CBL: variants seen among roughly 807,000 people sequenced by gnomAD.
CBL encodes E3 ubiquitin-protein ligase CBL.
Under a neutral mutation model 96.9 loss-of-function variants are expected in CBL, and 45 were observed. The ratio of observed to expected loss-of-function variants is 0.46; its 90% confidence interval spans 0.37 to 0.60. The LOEUF (loss-of-function observed/expected upper bound fraction) is 0.60. Among genes scored for constraint, CBL ranks in the 20% least tolerant of loss-of-function variants. The pLI is 0.00. For missense variants in CBL, 1,024 were observed against 1,143.5 expected (o/e 0.90, Z 1.51); for synonymous variants, 420 against 426.8 (o/e 0.98, Z 0.20).
At chr11:119,228,142 G>A (rs1482904156) in intron 1 of CBL, among the ~76,000 whole-genome samples, 1 of 150,830 alleles carries the variant, frequency 6.6e-6, no homozygotes, top group Non-Finnish European at 1.5e-5. Flanking sequence ...TTGAGATAGA[G>A]TCTCATTCCG....
chr11:119,267,087 A>G (rs917183047), intron 2 of CBL, among the ~76,000 whole-genome samples: 2 of 152,228 alleles, frequency 1.3e-5, no homozygotes, highest in Admixed American at 1.3e-4. Flanking sequence ...GTAGACACTG[A>G]ACCATAAGCT....
intron 12 of CBL, among the ~76,000 whole-genome samples, chr11:119,290,854 T>G (rs546785675): frequency 7.9e-5 from 12 of 151,690 alleles, no homozygotes; most frequent in African/African-American, 2.4e-4. Context: ...TTTTTTTATT[T>G]TTTAGTAGTA....
At chr11:119,291,397 T>C (rs1045123224) in intron 12 of CBL, among the ~76,000 whole-genome samples, 1 of 152,088 alleles carries the variant, frequency 6.6e-6, no homozygotes, top group African/African-American at 2.4e-5. Flanking sequence ...AAAAATAAAA[T>C]TGAAAAATAA....
rs771831548 is a variant in CBL at position 119,299,597 on chromosome 11, C to T, written c.2537C>T (p.Pro846Leu). The T allele has an allele frequency of 5.0e-6, 8 of 1,614,188 alleles. 1 individual carries two copies. The highest frequency in any genetic ancestry group is 4.0e-5 in the African/African-American group (3 of 75,034). Residue 846 changes from proline (P) to leucine (L), a missense_variant, in exon 16 of 16, where the codon CCT becomes CTT. Around this residue, in one of 4 missense-constraint regions of CBL, gnomAD observed 695 missense variants for 661.6 expected, o/e 1.05. Coordinates refer to ENST00000264033, the MANE Select transcript of CBL (RefSeq NM_005188.4). ...KAGSCQQGSG[P>L]AASAATASPQ... ...GGCAGCTGTCAGCAAGGTAGTGGTC[C>T]TGCCGCCTCTGCTGCCACCGCCTCA...
chr11:119,206,851 G>T (rs1420792027), intron 1 of CBL, among the ~76,000 whole-genome samples: 1 of 152,010 alleles, frequency 6.6e-6, no homozygotes. Flanking sequence ...CGCGTTTGGG[G>T]TAGCCAGACA....
At chr11:119,260,081 T>C (rs1949742958) in intron 2 of CBL, among the ~76,000 whole-genome samples, 1 of 152,178 alleles carries the variant, frequency 6.6e-6, no homozygotes, top group African/African-American at 2.4e-5. Context: ...GTTAGTATCT[T>C]CCCACACTCA....
intron 12 of CBL, among the ~76,000 whole-genome samples, chr11:119,295,506 G>A (rs1003330899): frequency 6.6e-6 from 1 of 151,898 alleles, no homozygotes; most frequent in Admixed American, 6.6e-5. Context: ...AGGATCACTT[G>A]AACCCAAGAG....
chr11:119,256,684 TTG>T (rs1020774580), intron 2 of CBL, among the ~76,000 whole-genome samples: 12 of 143,200 alleles, frequency 8.4e-5, no homozygotes, highest in Non-Finnish European at 1.6e-4. Context: ...AGTATGTAGT[TTG>T]TTTTTTTTTT....
At chr11:119,236,006 C>T (rs1949543023) in intron 2 of CBL, among the ~76,000 whole-genome samples, 2 of 151,922 alleles carry the variant, frequency 1.3e-5, no homozygotes, top group Admixed American at 6.6e-5. Context: ...TGCGAATGAT[C>T]TTTGTGGTCT....
chr11:119,283,471 CTT>C (rs1565873630), intron 9 of CBL, among the ~76,000 whole-genome samples: 1 of 151,708 alleles, frequency 6.6e-6, no homozygotes, highest in Non-Finnish European at 1.5e-5. Context: ...CTGTGTATCT[CTT>C]GACAGCTTAC....
intron 2 of CBL, among the ~76,000 whole-genome samples, chr11:119,247,008 G>A (rs1358940840): frequency 6.6e-6 from 1 of 152,122 alleles, no homozygotes; most frequent in African/African-American, 2.4e-5. Context: ...GTTGCTGATG[G>A]TTGTGGATAG....
At position 119,206,621 on chromosome 11, in the gene CBL, C is replaced by T. The variant is rs2135244281; in HGVS notation, c.195+9C>T. On this transcript the variant is annotated intron_variant, in intron 1 of 15. Coordinates refer to ENST00000264033, the MANE Select transcript of CBL (RefSeq NM_005188.4). ...GGAAGCTCATGGACAAGGTGAAAGG[C>T]CGGCTGAGCGCCCGCTGTTGCAGGG... 6.5e-7 allele frequency: 1 copy of T among 1,546,248 alleles called. No homozygotes were observed. Among genetic ancestry groups the T allele is most frequent in the African/African-American group, 1.4e-5 (1 of 72,586 alleles).
chr11:119,284,158 G>A (rs187598029), intron 9 of CBL, among the ~76,000 whole-genome samples: 2 of 151,746 alleles, frequency 1.3e-5, no homozygotes, highest in Admixed American at 1.3e-4. Flanking sequence ...CCACTGTACC[G>A]ACTCTCATCT....
In CBL at chr11:119,218,889, G is replaced by C. The variant is rs1343428416; in HGVS notation, c.195+12277G>C. Among the ~76,000 whole-genome samples the C allele has an allele frequency of 5.3e-5, 8 of 152,184 alleles. No homozygotes were observed. The South Asian group carries it at 8.3e-4, about 16-fold the overall frequency. ...AAAACTCATATTCCGAGGTTACTAAGATGTACAGTAAGAATGAATCTTCTA... is the reference window on the plus strand; with the variant it reads ...AAAACTCATATTCCGAGGTTACTAACATGTACAGTAAGAATGAATCTTCTA... On this transcript the variant is annotated intron_variant, in intron 1 of 15. Transcript: ENST00000264033.
intron 12 of CBL, among the ~76,000 whole-genome samples, chr11:119,291,279 C>A (rs1351860001): frequency 1.3e-5 from 2 of 152,274 alleles, no homozygotes; most frequent in Admixed American, 1.3e-4. Flanking sequence ...ATAGTCCCAG[C>A]TACTGGGGAG....
In CBL at chr11:119,271,424, C is replaced by A. The variant is rs1329704692; in HGVS notation, c.444-311C>A. On this transcript the variant is annotated intron_variant, in intron 2 of 15. Coordinates refer to ENST00000264033, the MANE Select transcript of CBL (RefSeq NM_005188.4). ...TGAATGGAGGAGATACAAGTGGAGG[C>A]AGTGAATGCAACAGTATTTCTTCAT... Among the ~76,000 whole-genome samples, 5 of 152,150 alleles carry A rather than the reference C, an allele frequency of 3.3e-5. No individual in the cohort carries two copies. In the South Asian group the frequency reaches 1.0e-3, roughly 32 times the overall value.
At chr11:119,254,562 A>G (rs1340421050) in intron 2 of CBL, among the ~76,000 whole-genome samples, 2 of 152,056 alleles carry the variant, frequency 1.3e-5, no homozygotes, top group Non-Finnish European at 2.9e-5. Context: ...ACATGTAAAC[A>G]TAGAAAAGGT....
chr11:119,303,020 A>AG lies in CBL; in HGVS notation c.*3241dup, dbSNP rs79093187. ...GATTTAAAAGATTTCTGGTTAAGGG[A>AG]GGTGGGGGTCACTGTTCATCACTCT... is the stretch of plus-strand genomic sequence containing the variant. On this transcript the variant is annotated 3_prime_UTR_variant, in exon 16 of 16. Transcript: ENST00000264033. The AG allele has an allele frequency of 3.4e-3, 788 of 229,582 alleles. 22 individuals carry two copies. In the East Asian group the frequency reaches 0.047, roughly 14 times the overall value. The allele number at this position is 229,582 out of a possible 1,614,324, so 14.2% of individuals were successfully genotyped here. A position where few individuals can be genotyped will look rare whatever the true frequency, so the allele number is the denominator to read the frequency against.
intron 2 of CBL, among the ~76,000 whole-genome samples, chr11:119,255,940 G>A (rs12295934): frequency 1.3e-5 from 2 of 150,482 alleles, no homozygotes; most frequent in East Asian, 1.9e-4. Flanking sequence ...TTACTGTGTT[G>A]CCCAGGCTGG....
Sources: gnomAD v4.1 joint callset for allele counts (sites outside exome capture counted in the v4.1 genomes callset) on GRCh38, gnomAD v4.1.1 for gene constraint, gnomAD v4.1.1 regional missense constraint, MANE v1.5 for transcripts, NCBI Gene and HGNC (gene_info 2026-07-23, HGNC 2026-07-21) for gene names.